Variants in MYO16 observed in about 807,000 individuals in gnomAD.
The protein encoded by MYO16 is myosin XVI, also known as unconventional myosin-XVI.
In MYO16, 94 loss-of-function variants were observed where a neutral mutation model predicts 205.3. That is an observed-to-expected ratio of 0.46 (90% CI 0.39 to 0.54). The LOEUF (loss-of-function observed/expected upper bound fraction) is 0.54, where lower values mean the gene tolerates loss of function less well. MYO16 is among the 20% of genes least tolerant of loss of function. The pLI is 0.00. For synonymous variants in MYO16, 988 were observed against 954.0 expected, an observed-to-expected ratio of 1.04 and a Z score of -0.66; for missense variants, 2,315 against 2,387.5, an observed-to-expected ratio of 0.97 and a Z score of 0.63.
intron 23 of MYO16, among the ~76,000 whole-genome samples, chr13:109,035,311 T>G (rs571282279): frequency 6.6e-6 from 1 of 152,314 alleles, no homozygotes; most frequent in African/African-American, 2.4e-5. Flanking sequence ...CAATCTCATC[T>G]TAAACCTATC....
At chr13:108,676,824 G>A (rs1334843252) in intron 2 of MYO16, among the ~76,000 whole-genome samples, 1 of 152,118 alleles carries the variant, frequency 6.6e-6, no homozygotes, top group Non-Finnish European at 1.5e-5. Flanking sequence ...TGTCTACTGT[G>A]TCTTTGCTCC....
chr13:108,792,910 T>A (rs1441467015), intron 5 of MYO16, among the ~76,000 whole-genome samples: 6 of 152,188 alleles, frequency 3.9e-5, no homozygotes, highest in African/African-American at 1.4e-4. Context: ...CTTTGTTATT[T>A]GTTTCCATTT....
chr13:108,814,482 A>G (rs1395887754), intron 7 of MYO16, among the ~76,000 whole-genome samples: 1 of 152,068 alleles, frequency 6.6e-6, no homozygotes, highest in Non-Finnish European at 1.5e-5. Flanking sequence ...TAAAAGCAAG[A>G]AAATGCCTCG....
At chr13:108,578,741 A>G in the MYO16 span, among the ~76,000 whole-genome samples, 1 of 152,188 alleles carries the variant, frequency 6.6e-6, no homozygotes, top group Admixed American at 6.5e-5. Flanking sequence ...CACATCACTA[A>G]GAGCATTGCG....
chr13:108,603,746 CCTGTTACAG>C (rs536630893), intron 1 of MYO16, among the ~76,000 whole-genome samples: 319 of 152,268 alleles, frequency 2.1e-3, no homozygotes, highest in African/African-American at 7.3e-3. Flanking sequence ...AATAAATCAT[CCTGTTACAG>C]CTGACACATA....
At chr13:108,724,232 A>T (rs1884261571) in intron 3 of MYO16, among the ~76,000 whole-genome samples, 1 of 152,170 alleles carries the variant, frequency 6.6e-6, no homozygotes. Flanking sequence ...TACATAGATG[A>T]TCATGTCATA....
chr13:108,610,844 C>A (rs930738480), intron 1 of MYO16, among the ~76,000 whole-genome samples: 1 of 152,134 alleles, frequency 6.6e-6, no homozygotes, highest in Admixed American at 6.6e-5. Flanking sequence ...AAAAAAGGAG[C>A]TTTTGCCTTT....
chr13:108,548,551 T>C, the MYO16 span, among the ~76,000 whole-genome samples: 1 of 147,072 alleles, frequency 6.8e-6, no homozygotes, highest in Admixed American at 6.8e-5. Context: ...ATGACAGTGA[T>C]AGGATAGGGT....
chr13:108,676,988 T>C (rs1421178443), intron 2 of MYO16, among the ~76,000 whole-genome samples: 1 of 152,082 alleles, frequency 6.6e-6, no homozygotes, highest in Non-Finnish European at 1.5e-5. Flanking sequence ...AAGTGTAATC[T>C]CTGTTTGCGA....
At chr13:108,633,623 T>G (rs984615278) in intron 1 of MYO16, among the ~76,000 whole-genome samples, 3 of 152,152 alleles carry the variant, frequency 2.0e-5, no homozygotes, top group African/African-American at 7.2e-5. Context: ...GACATCACCC[T>G]TGCAGACACA....
In MYO16 at chr13:109,206,946, CA is replaced by C; in HGVS notation, c.*117del. 4 of 868,032 alleles carry C rather than the reference CA, an allele frequency of 4.6e-6. No individual in the cohort carries two copies. Among genetic ancestry groups the C allele is most frequent in the Non-Finnish European group, 5.3e-6 (3 of 563,600 alleles). 53.8% of individuals were successfully genotyped at this position (868,032 alleles called of 1,614,324 possible). A position where few individuals can be genotyped will look rare whatever the true frequency, so the allele number is the denominator to read the frequency against. ...TGGGGCTTCTCTCCACGCATTTAGA[CA>C]AAAAAAGCACAGGACACAGACACTA... On this transcript the variant is annotated 3_prime_UTR_variant, in exon 35 of 35. Coordinates refer to ENST00000457511, the MANE Select transcript of MYO16 (RefSeq NM_001198950.3).
the MYO16 span, among the ~76,000 whole-genome samples, chr13:108,498,758 A>T: frequency 6.6e-6 from 1 of 152,228 alleles, no homozygotes; most frequent in East Asian, 1.9e-4. Flanking sequence ...GAGAAATGTC[A>T]TCATCACTCT....
chr13:108,586,276 A>C, the MYO16 span, among the ~76,000 whole-genome samples: 3 of 152,208 alleles, frequency 2.0e-5, no homozygotes, highest in African/African-American at 7.2e-5. Context: ...TAAAGTTTAT[A>C]AATGATAATT....
chr13:108,933,802 T>A (rs1882365326), intron 16 of MYO16, among the ~76,000 whole-genome samples: 1 of 152,094 alleles, frequency 6.6e-6, no homozygotes, highest in South Asian at 2.1e-4. Flanking sequence ...CCATTTTTAT[T>A]TCCATGAGCC....
the MYO16 span, among the ~76,000 whole-genome samples, chr13:108,574,709 G>GTGCA: frequency 1.3e-5 from 1 of 76,542 alleles, no homozygotes; most frequent in African/African-American, 5.3e-5. Context: ...GTGTGTGTGT[G>GTGCA]CGCTTGTGTG....
At chr13:108,498,659 G>A in the MYO16 span, among the ~76,000 whole-genome samples, 2 of 152,156 alleles carry the variant, frequency 1.3e-5, no homozygotes, top group African/African-American at 2.4e-5. Context: ...TTAACCAGGT[G>A]GACTTTAAAA....
At chr13:108,527,767 G>T in the MYO16 span, among the ~76,000 whole-genome samples, 1 of 152,160 alleles carries the variant, frequency 6.6e-6, no homozygotes, top group South Asian at 2.1e-4. Flanking sequence ...ATTAATGTAG[G>T]AATTTCAGTT....
chr13:109,120,129 A>G (rs963638366), intron 28 of MYO16, among the ~76,000 whole-genome samples: 9 of 152,196 alleles, frequency 5.9e-5, no homozygotes, highest in African/African-American at 2.2e-4. Context: ...TACAACCCAC[A>G]TCAGTAGTGT....
chr13:108,842,726 C>T (rs952077017), intron 9 of MYO16, among the ~76,000 whole-genome samples: 2 of 152,000 alleles, frequency 1.3e-5, no homozygotes, highest in African/African-American at 4.8e-5. Flanking sequence ...AATAGAACTA[C>T]CACATGATCC....
Sources: allele counts gnomAD v4.1 joint callset (sites outside exome capture counted in the v4.1 genomes callset), GRCh38; gene constraint gnomAD v4.1.1; transcripts MANE v1.5; gene names NCBI Gene and HGNC (gene_info 2026-07-23, HGNC 2026-07-21).